The following PKD1L1 variants were observed in gnomAD, a reference collection of about 807,000 sequenced individuals.
PKD1L1 encodes the protein polycystin-1-like protein 1.
Under a neutral mutation model 323.4 loss-of-function variants are expected in PKD1L1, and 236 were observed. The observed-to-expected ratio is 0.73, with a 90% CI of 0.66 to 0.81. The LOEUF is 0.81. Ranked by LOEUF, PKD1L1 falls within the 40% of genes least tolerant of loss-of-function variation. PKD1L1 has a pLI of 0.00. For missense variants in PKD1L1, 3,320 were observed against 3,508.0 expected (o/e 0.95, Z 1.35); for synonymous variants, 1,344 against 1,335.0 (o/e 1.01, Z -0.15).
chr7:47,940,118 G>T, intron 3 of PKD1L1, 75 bp downstream of exon 3: 1 of 1,545,722 alleles, frequency 6.5e-7, no homozygotes, highest in South Asian at 1.2e-5. Context: ...ATGAAACATG[G>T]AGGTGCTTTT....
At chr7:47,826,530 A>G (rs921637557) in intron 45 of PKD1L1, among the ~76,000 whole-genome samples, 9 of 152,202 alleles carry the variant, frequency 5.9e-5, no homozygotes, top group Non-Finnish European at 1.2e-4. Context: ...TTGTTTTTTA[A>G]GGAAGATGGT....
chr7:47,775,274 A>G, intron 56 of PKD1L1, 108 bp from the exon 57 acceptor site: 1 of 1,235,832 alleles, frequency 8.1e-7, no homozygotes, highest in Non-Finnish European at 1.1e-6. Context: ...GAACACCACC[A>G]TCAGCTAACT....
At chr7:47,951,170 A>G (rs1788198696), upstream of PKD1L1, among the ~76,000 whole-genome samples, 1 of 152,296 alleles carries the variant, frequency 6.6e-6, no homozygotes, top group East Asian at 1.9e-4. Flanking sequence ...TTAAGAAATC[A>G]CTATCTAAGC....
At chr7:47,807,053 G>C (rs1215712116) in intron 52 of PKD1L1, among the ~76,000 whole-genome samples, 2 of 152,162 alleles carry the variant, frequency 1.3e-5, no homozygotes, top group East Asian at 3.9e-4. Context: ...GCTTTCCTGA[G>C]GTGGGGGCAC....
intron 54 of PKD1L1, among the ~76,000 whole-genome samples, chr7:47,796,708 C>T (rs1331621095): frequency 6.6e-6 from 1 of 152,114 alleles, no homozygotes; most frequent in Non-Finnish European, 1.5e-5. Flanking sequence ...CCAAACAGGG[C>T]TGGGCGCAGT....
At chr7:47,868,930 G>A (rs1786224750) in intron 24 of PKD1L1, among the ~76,000 whole-genome samples, 1 of 152,136 alleles carries the variant, frequency 6.6e-6, no homozygotes, top group Non-Finnish European at 1.5e-5. Context: ...ACATTGGACT[G>A]TTGGGTTTGT....
intron 26 of PKD1L1, among the ~76,000 whole-genome samples, chr7:47,863,936 G>C (rs1387693038): frequency 6.6e-6 from 1 of 152,176 alleles, no homozygotes; most frequent in African/African-American, 2.4e-5. Context: ...ATGCTCTGCT[G>C]TGAAGAGGAA....
chr7:47,920,328 T>C (rs1261428878), intron 7 of PKD1L1, among the ~76,000 whole-genome samples: 1 of 144,658 alleles, frequency 6.9e-6, no homozygotes, highest in Non-Finnish European at 1.5e-5. Context: ...GGAATATACC[T>C]AACCAAGGAG....
At chr7:47,852,864 G>A (rs532988664) in intron 31 of PKD1L1, among the ~76,000 whole-genome samples, 1 of 152,116 alleles carries the variant, frequency 6.6e-6, no homozygotes, top group African/African-American at 2.4e-5. Context: ...CTAAGGATCA[G>A]GAGGAGGCGC....
At chr7:47,959,130 G>A in the PKD1L1 span, among the ~76,000 whole-genome samples, 1 of 152,228 alleles carries the variant, frequency 6.6e-6, no homozygotes, top group Admixed American at 6.5e-5. Flanking sequence ...AGTGCTCAAT[G>A]GTGCCCAGGC....
At chr7:47,796,187 T>C (rs1415962873) in intron 54 of PKD1L1, 37 bp from the exon 55 acceptor site, 1 of 1,502,146 alleles carries the variant, frequency 6.7e-7, no homozygotes, top group African/African-American at 1.4e-5. Flanking sequence ...AATTTCATGT[T>C]AGCAGCCTAA....
At chr7:47,805,143 C>G (rs1784751156) in intron 52 of PKD1L1, among the ~76,000 whole-genome samples, 1 of 151,954 alleles carries the variant, frequency 6.6e-6, no homozygotes, top group Middle Eastern at 3.2e-3. Flanking sequence ...GCAAAACCCC[C>G]AAGGTATGTA....
intron 41 of PKD1L1, 149 bp from the exon 42 acceptor site, chr7:47,831,501 G>A (rs1785348845): frequency 9.2e-7 from 1 of 1,084,206 alleles, no homozygotes; most frequent in East Asian, 2.5e-5. Flanking sequence ...AGTGTGTTCG[G>A]GGTTGGGGGT....
chr7:47,867,051 A>T (rs1786184571), intron 24 of PKD1L1, among the ~76,000 whole-genome samples: 1 of 152,198 alleles, frequency 6.6e-6, no homozygotes. Flanking sequence ...CCTATACATG[A>T]GGTCAAAGGC....
rs763941058 is a variant in PKD1L1, at chr7:47,792,684, C to A, written c.8469G>T (p.Gly2823=). 1 of 1,614,026 alleles carries A rather than the reference C, an allele frequency of 6.2e-7. No homozygotes were observed. The highest frequency in any genetic ancestry group is 1.1e-5 in the South Asian group (1 of 91,074). ...PLLEKTSNNT[G]EARTEESPLV... ...AGGGACTCTCTTCTGTCCTTGCCTC[C>A]CCTGTGTTGTTGGATGTTTTTTCCA... The change falls in exon 56 of 57, where the codon GGG becomes GGT. Residue 2823 remains glycine (G), a synonymous_variant. Transcript: ENST00000289672.
rs758330344 is a variant in PKD1L1 at position 47,843,084 on chromosome 7, CT to C, written c.5322del (p.Asp1775IlefsTer38). The C allele has an allele frequency of 1.2e-6, 2 of 1,613,766 alleles. No individual in the cohort carries two copies. The highest frequency in any genetic ancestry group is 1.7e-6 in the Non-Finnish European group (2 of 1,179,828). On this transcript the variant is annotated frameshift_variant, in exon 34 of 57. Coordinates refer to ENST00000289672, the MANE Select transcript of PKD1L1 (RefSeq NM_138295.5). LOFTEE classifies it high-confidence loss of function. ...YGFLVAKSRQ[V>X]DHHEKKKAGY... Reference sequence around the variant, plus strand: ...CCAGCTTTCTTTTTTTCATGATGATCTACTTGTCTACTTTTAGCGACCAAAA... The same window carrying C: ...CCAGCTTTCTTTTTTTCATGATGATCACTTGTCTACTTTTAGCGACCAAAA...
intron 19 of PKD1L1, among the ~76,000 whole-genome samples, chr7:47,883,398 T>C (rs1172558658): frequency 6.6e-6 from 1 of 152,154 alleles, no homozygotes; most frequent in Non-Finnish European, 1.5e-5. Flanking sequence ...CTGCTGAAAT[T>C]AAACTAACTG....
At chr7:47,937,279 CT>C (rs1355365969) in intron 3 of PKD1L1, among the ~76,000 whole-genome samples, 1 of 137,640 alleles carries the variant, frequency 7.3e-6, no homozygotes, top group Admixed American at 7.3e-5. Context: ...GGGCGCGGTG[CT>C]TTTTTATACA....
At chr7:47,842,624 T>G (rs1477565235) in intron 34 of PKD1L1, among the ~76,000 whole-genome samples, 2 of 152,190 alleles carry the variant, frequency 1.3e-5, no homozygotes, top group Admixed American at 6.5e-5. Flanking sequence ...TCTCTGGGAC[T>G]GTTGTCTTCA....
Sources: gnomAD v4.1 joint callset for allele counts (sites outside exome capture counted in the v4.1 genomes callset) on GRCh38, gnomAD v4.1.1 for gene constraint, MANE v1.5 for transcripts, NCBI Gene and HGNC (gene_info 2026-07-23, HGNC 2026-07-21) for gene names.